The following ZNF469 variants were observed in gnomAD, a reference collection of about 807,000 sequenced individuals.
ZNF469 encodes zinc finger protein 469.
In ZNF469, 1 loss-of-function variant was observed where a neutral mutation model predicts 1.0. That is an observed-to-expected ratio of 1.00 (90% CI 0.35 to 4.73). The LOEUF is 4.73. ZNF469 is among the 30% of genes most tolerant of loss of function. The pLI, the probability that ZNF469 is intolerant of heterozygous loss-of-function variation, is 0.16. For synonymous variants in ZNF469, 2,703 were observed against 2,363.4 expected, an observed-to-expected ratio of 1.14 and a Z score of -4.17; for missense variants, 6,100 against 5,356.3, an observed-to-expected ratio of 1.14 and a Z score of -4.33.
chr16:88,192,955 A>G, the ZNF469 span, among the ~76,000 whole-genome samples: 12 of 132,270 alleles, frequency 9.1e-5, no homozygotes, highest in East Asian at 2.3e-3. Context: ...GATGATGATG[A>G]GGATGATGGT....
At chr16:88,417,686 G>A (rs1285071009) in intron 1 of ZNF469, among the ~76,000 whole-genome samples, 2 of 152,188 alleles carry the variant, frequency 1.3e-5, no homozygotes, top group South Asian at 2.1e-4. Flanking sequence ...GCTGGGCTCC[G>A]GTACAGCATT....
In ZNF469 at chr16:88,424,298, G is replaced by T. The variant is rs1905607646; in HGVS notation, c.-191-509G>T. Among the ~76,000 whole-genome samples, 2 of 152,222 alleles carry T rather than the reference G, an allele frequency of 1.3e-5. No homozygotes were observed. The highest frequency in any genetic ancestry group is 1.3e-4 in the Admixed American group (2 of 15,288). On this transcript the variant is annotated intron_variant, in intron 1 of 2. Coordinates refer to ENST00000565624, the MANE Select transcript of ZNF469 (RefSeq NM_001367624.2). The surrounding 1 kb of genome is among the most constrained non-coding windows in gnomAD (Gnocchi z 4.3). ...AAAAAAAGGTCAGGTGCAGAACAGT[G>T]AGCGTAGCCGACGATCTTCTGTTGA...
At chr16:88,333,888 CTG>C in the ZNF469 span, among the ~76,000 whole-genome samples, 4 of 123,318 alleles carry the variant, frequency 3.2e-5, no homozygotes, top group African/African-American at 5.3e-5. Flanking sequence ...GTTTGTGTGT[CTG>C]TGTGTGTGTT....
chr16:88,208,793 ACACACACACACT>A, the ZNF469 span, among the ~76,000 whole-genome samples: 2 of 38,772 alleles, frequency 5.2e-5, no homozygotes, highest in Non-Finnish European at 1.6e-4. Context: ...ACACACACAC[ACACACACACACT>A]CTCTCTCTCT....
In ZNF469 at chr16:88,431,378, G is replaced by C. The variant is rs1335350319; in HGVS notation, c.3908G>C (p.Gly1303Ala). Residue 1303 changes from glycine (G) to alanine (A), a missense_variant, in exon 3 of 3, where the codon GGT becomes GCT. Gly to Ala is a moderately conservative substitution (Grantham distance 60). Coordinates refer to ENST00000565624, the MANE Select transcript of ZNF469 (RefSeq NM_001367624.2). ...ACGCCAGGTGTGGGCAGCCTGCTGG[G>C]TGGTCCTGGGGGCACACAGGCCCCA... ...SPTPGVGSLL[G>A]GPGGTQAPVS... The C allele has an allele frequency of 6.5e-7, 1 of 1,549,918 alleles. No individual in the cohort carries two copies. Among genetic ancestry groups the C allele is most frequent in the Non-Finnish European group, 8.7e-7 (1 of 1,146,930 alleles).
Position 88,439,229 on chromosome 16 carries a change from A to T in ZNF469, c.11759A>T (p.His3920Leu), listed in dbSNP as rs188087134. 3.7e-5 allele frequency: 57 copies of T among 1,550,456 alleles called. No individual in the cohort carries two copies. In the Middle Eastern group the frequency reaches 2.0e-3, roughly 54 times the overall value. ...AVHGAEPAEP[H>L]THRTAEAQSD... ...CACGGTGCTGAACCTGCCGAGCCAC[A>T]CACCCACCGGACGGCCGAGGCCCAG... is the stretch of plus-strand genomic sequence containing the variant. Residue 3920 changes from histidine (H) to leucine (L), a missense_variant, in exon 3 of 3, where the codon CAC (histidine) becomes CTC (leucine). His to Leu is a moderately conservative substitution (Grantham distance 99). Transcript: ENST00000565624.
chr16:88,268,104 C>T, the ZNF469 span, among the ~76,000 whole-genome samples: 1 of 152,158 alleles, frequency 6.6e-6, no homozygotes, highest in Non-Finnish European at 1.5e-5. Context: ...GTTTATTTGC[C>T]ATTGACATGT....
At chr16:88,386,710 G>A (rs1460553661) in intron 1 of ZNF469, among the ~76,000 whole-genome samples, 1 of 152,196 alleles carries the variant, frequency 6.6e-6, no homozygotes, top group Non-Finnish European at 1.5e-5. Flanking sequence ...TCTCCAAGTG[G>A]CTTTAAGGTC....
At chr16:88,138,606 G>A in the ZNF469 span, among the ~76,000 whole-genome samples, 1 of 152,048 alleles carries the variant, frequency 6.6e-6, no homozygotes, top group African/African-American at 2.4e-5. Context: ...AGTCATGAAA[G>A]GTTGGTTCTG....
the ZNF469 span, among the ~76,000 whole-genome samples, chr16:88,169,274 TC>T: frequency 6.6e-6 from 1 of 152,172 alleles, no homozygotes. The surrounding 1 kb of genome is among the most constrained non-coding windows in gnomAD (Gnocchi z 6.1). Context: ...ATCCACACTT[TC>T]AATTGCTGCT....
At chr16:88,420,313 G>A (rs1387948215) in intron 1 of ZNF469, among the ~76,000 whole-genome samples, 2 of 152,194 alleles carry the variant, frequency 1.3e-5, no homozygotes, top group Non-Finnish European at 2.9e-5. Flanking sequence ...CACCAGGGAT[G>A]GATGCAGCTG....
the ZNF469 span, among the ~76,000 whole-genome samples, chr16:88,368,260 G>C: frequency 1.3e-5 from 2 of 152,316 alleles, no homozygotes; most frequent in East Asian, 3.9e-4. Flanking sequence ...CAGAACCCAC[G>C]GGCAGATACT....
At chr16:88,355,240 G>A in the ZNF469 span, among the ~76,000 whole-genome samples, 365 of 152,298 alleles carry the variant, frequency 2.4e-3, 4 homozygotes, top group African/African-American at 8.4e-3. Flanking sequence ...CCCATGGCTG[G>A]AGGTGCTTAA....
At chr16:88,240,933 G>A in the ZNF469 span, among the ~76,000 whole-genome samples, 1 of 152,064 alleles carries the variant, frequency 6.6e-6, no homozygotes, top group African/African-American at 2.4e-5. Flanking sequence ...ACCTGCCACC[G>A]AGGCCCACCC....
the ZNF469 span, among the ~76,000 whole-genome samples, chr16:88,199,374 A>C: frequency 1.3e-5 from 2 of 152,312 alleles, no homozygotes; most frequent in Admixed American, 6.5e-5. Flanking sequence ...GGCAAATGAG[A>C]GCAGGTCAGG....
rs958082606 is a variant in ZNF469 at position 88,383,503 on chromosome 16, C to G, written c.-192+249C>G. On this transcript the variant is annotated intron_variant, in intron 1 of 2. Coordinates refer to ENST00000565624, the MANE Select transcript of ZNF469 (RefSeq NM_001367624.2). ...CGCCGGGGCCCGGCGGGGGCCGCAG[C>G]CTTGCCCGGAGCGGAGCGTTGGCAG... Among the ~76,000 whole-genome samples, 70 of 149,410 alleles carry G rather than the reference C, an allele frequency of 4.7e-4. 1 individual carries two copies. The highest frequency in any genetic ancestry group is 6.8e-3 in the Middle Eastern group (2 of 292).
the ZNF469 span, among the ~76,000 whole-genome samples, chr16:88,216,971 T>C: frequency 2.6e-5 from 4 of 152,218 alleles, no homozygotes; most frequent in Non-Finnish European, 5.9e-5. Context: ...TCTGGTGAAT[T>C]TCTTCATCTG....
the ZNF469 span, among the ~76,000 whole-genome samples, chr16:88,182,533 G>T: frequency 1.3e-5 from 2 of 151,714 alleles, no homozygotes; most frequent in African/African-American, 2.4e-5. Flanking sequence ...ATTGTCATAA[G>T]GACAAACAAG....
At chr16:88,257,682 C>T in the ZNF469 span, among the ~76,000 whole-genome samples, 5 of 152,042 alleles carry the variant, frequency 3.3e-5, no homozygotes, top group African/African-American at 4.8e-5. Flanking sequence ...TGAGTTATTT[C>T]TTTGTGAAGG....
Sources: allele counts gnomAD v4.1 joint callset (sites outside exome capture counted in the v4.1 genomes callset), GRCh38; gene constraint gnomAD v4.1.1; non-coding constraint Gnocchi (gnomAD v3.1); transcripts MANE v1.5; gene names NCBI Gene and HGNC (gene_info 2026-07-23, HGNC 2026-07-21).